Variants in TMEM108 observed in about 807,000 individuals in gnomAD.
TMEM108 encodes cancer/testis antigen 124.
A neutral mutation model predicts 35.1 loss-of-function variants in TMEM108; 12 were observed. That is an observed-to-expected ratio of 0.34 (90% CI 0.22 to 0.55). The LOEUF (loss-of-function observed/expected upper bound fraction) is 0.55, where lower values mean the gene tolerates loss of function less well. Ranked by LOEUF, TMEM108 falls within the 20% of genes least tolerant of loss-of-function variation. The pLI, the probability that TMEM108 is intolerant of heterozygous loss-of-function variation, is 0.89. For synonymous variants in TMEM108, 287 were observed against 308.6 expected (o/e 0.93, Z 0.73); for missense variants, 680 against 753.3 (o/e 0.90, Z 1.14).
At chr3:133,196,335 C>G (rs1487922584) in intron 2 of TMEM108, among the ~76,000 whole-genome samples, 2 of 152,124 alleles carry the variant, frequency 1.3e-5, no homozygotes, top group Non-Finnish European at 2.9e-5. Flanking sequence ...ACCACGTAGC[C>G]TATGAGCTTG....
intron 3 of TMEM108, among the ~76,000 whole-genome samples, chr3:133,301,731 G>A (rs562765558): frequency 6.6e-6 from 1 of 152,094 alleles, no homozygotes; most frequent in Non-Finnish European, 1.5e-5. Context: ...AGCCTGTACC[G>A]ACTAACTTTA....
intron 3 of TMEM108, among the ~76,000 whole-genome samples, chr3:133,275,339 AATAAT>A (rs749906023): frequency 7.2e-5 from 11 of 152,256 alleles, no homozygotes; most frequent in Admixed American, 2.0e-4. Flanking sequence ...AATTGATTTT[AATAAT>A]ATATTTTATT....
intron 2 of TMEM108, among the ~76,000 whole-genome samples, chr3:133,223,010 A>G (rs762449504): frequency 6.6e-6 from 1 of 152,080 alleles, no homozygotes; most frequent in Non-Finnish European, 1.5e-5. Flanking sequence ...TTTTGTAGAA[A>G]TGGGGTCTTG....
intron 2 of TMEM108, among the ~76,000 whole-genome samples, chr3:133,111,252 T>G (rs1207151657): frequency 6.6e-6 from 1 of 152,174 alleles, no homozygotes; most frequent in African/African-American, 2.4e-5. Flanking sequence ...GTGGGGAGGA[T>G]TCTCATTTTT....
chr3:133,242,028 C>G (rs1423213907), intron 3 of TMEM108, among the ~76,000 whole-genome samples: 1 of 152,114 alleles, frequency 6.6e-6, no homozygotes, highest in Non-Finnish European at 1.5e-5. Flanking sequence ...GGAGGCCACA[C>G]TCTCTCTGAA....
intron 3 of TMEM108, among the ~76,000 whole-genome samples, chr3:133,308,503 T>C (rs1264108759): frequency 6.6e-6 from 1 of 152,172 alleles, no homozygotes; most frequent in Non-Finnish European, 1.5e-5. Context: ...GGGTTTGTCA[T>C]AAATAGCTCT....
At chr3:133,158,465 T>TAAAAAAA (rs11328701) in intron 2 of TMEM108, among the ~76,000 whole-genome samples, 5 of 80,606 alleles carry the variant, frequency 6.2e-5, no homozygotes, top group African/African-American at 9.7e-5. Context: ...AGACTCTGTC[T>TAAAAAAA]AAAAAAAAAA....
chr3:133,199,057 C>A (rs762575904), intron 2 of TMEM108, among the ~76,000 whole-genome samples: 5 of 152,178 alleles, frequency 3.3e-5, no homozygotes, highest in Non-Finnish European at 7.4e-5. Context: ...TCACTGATAC[C>A]CTTTCTTCCA....
chr3:133,173,642 C>T (rs1262856571), intron 2 of TMEM108, among the ~76,000 whole-genome samples: 1 of 152,064 alleles, frequency 6.6e-6, no homozygotes, highest in Non-Finnish European at 1.5e-5. Flanking sequence ...CACACATATG[C>T]AAAATGGTCT....
At chr3:133,078,657 A>G (rs1943774270) in intron 2 of TMEM108, among the ~76,000 whole-genome samples, 1 of 152,260 alleles carries the variant, frequency 6.6e-6, no homozygotes, top group Admixed American at 6.5e-5. Context: ...GCAGGAAGTA[A>G]TTAAAAAATT....
chr3:133,132,665 A>C (rs1175255670), intron 2 of TMEM108, among the ~76,000 whole-genome samples: 2 of 152,324 alleles, frequency 1.3e-5, no homozygotes, highest in African/African-American at 4.8e-5. Context: ...TCTTGGGTCA[A>C]GGAATAATTT....
intron 3 of TMEM108, among the ~76,000 whole-genome samples, chr3:133,288,380 C>A (rs1321157086): frequency 6.6e-6 from 1 of 152,224 alleles, no homozygotes; most frequent in Non-Finnish European, 1.5e-5. Flanking sequence ...CTACCCAGAA[C>A]AAAGAAATCA....
intron 3 of TMEM108, among the ~76,000 whole-genome samples, chr3:133,341,011 G>T (rs1236193683): frequency 1.3e-5 from 2 of 151,786 alleles, no homozygotes; most frequent in Admixed American, 1.3e-4. Flanking sequence ...ACACGGCAAG[G>T]ATGCCCACTT....
chr3:133,173,220 A>G (rs1347087973), intron 2 of TMEM108, among the ~76,000 whole-genome samples: 3 of 152,260 alleles, frequency 2.0e-5, no homozygotes, highest in Admixed American at 6.5e-5. Context: ...GCACTGTATA[A>G]GTTTGTAAAA....
At chr3:133,058,774 A>G (rs1410585125) in intron 2 of TMEM108, among the ~76,000 whole-genome samples, 3 of 152,262 alleles carry the variant, frequency 2.0e-5, no homozygotes, top group East Asian at 1.9e-4. Context: ...TGTTTCCCCA[A>G]TTAGATAAGG....
At chr3:133,123,816 G>C (rs1229237401) in intron 2 of TMEM108, among the ~76,000 whole-genome samples, 1 of 152,170 alleles carries the variant, frequency 6.6e-6, no homozygotes, top group Non-Finnish European at 1.5e-5. Context: ...TCTGTTGTCG[G>C]CCTAAATTGG....
At chr3:133,359,221 T>A (rs1263451136) in intron 3 of TMEM108, among the ~76,000 whole-genome samples, 2 of 152,228 alleles carry the variant, frequency 1.3e-5, no homozygotes, top group African/African-American at 4.8e-5. Flanking sequence ...TAAATAGGTA[T>A]TGCTGGCAAG....
chr3:133,196,902 G>A (rs529472991), intron 2 of TMEM108, among the ~76,000 whole-genome samples: 3 of 152,286 alleles, frequency 2.0e-5, no homozygotes, highest in East Asian at 3.9e-4. Flanking sequence ...CTCGTTTCTC[G>A]TTAGCCAGAA....
At position 133,200,022 on chromosome 3, in the gene TMEM108, T is replaced by G. The variant is rs145945245; in HGVS notation, c.-46-29244T>G. 9.4e-3 allele frequency among the ~76,000 whole-genome samples: 1,432 copies of G among 152,256 alleles called. 23 individuals carry two copies. The highest frequency in any genetic ancestry group is 0.033 in the African/African-American group (1,355 of 41,556). On this transcript the variant is annotated intron_variant, in intron 2 of 5. Coordinates refer to ENST00000321871, the MANE Select transcript of TMEM108 (RefSeq NM_023943.4). ...CTTGCAGTTCGATCTCAGACTGCTG[T>G]GCTAGCAGTGAGTGAGGCTCCATGG...
Sources: gnomAD v4.1 joint callset for allele counts (sites outside exome capture counted in the v4.1 genomes callset) on GRCh38, gnomAD v4.1.1 for gene constraint, MANE v1.5 for transcripts, NCBI Gene and HGNC (gene_info 2026-07-23, HGNC 2026-07-21) for gene names.